Variants in CSMD3 observed in about 807,000 individuals in gnomAD.
CSMD3 encodes CUB and sushi domain-containing protein 3.
A neutral mutation model predicts 435.2 loss-of-function variants in CSMD3; 177 were observed. The observed-to-expected ratio is 0.41, with a 90% CI of 0.36 to 0.46. CSMD3 has a LOEUF of 0.46. Ranked by LOEUF, CSMD3 falls within the 20% of genes least tolerant of loss-of-function variation. The probability of loss-of-function intolerance (pLI) is 0.34; values close to 1 mark genes in which losing one functional copy is unlikely to be tolerated. For synonymous variants in CSMD3, 1,656 were observed against 1,520.5 expected (o/e 1.09, Z -2.07); for missense variants, 4,265 against 4,504.6 (o/e 0.95, Z 1.52).
intron 32 of CSMD3, among the ~76,000 whole-genome samples, chr8:112,460,496 T>C (rs938317848): frequency 7.4e-5 from 11 of 149,624 alleles, no homozygotes; most frequent in African/African-American, 2.7e-4. Context: ...GTGTTTTAAA[T>C]GTTATAGAAT....
intron 4 of CSMD3, among the ~76,000 whole-genome samples, chr8:113,140,305 T>G (rs992267633): frequency 2.3e-4 from 34 of 150,656 alleles, no homozygotes; most frequent in Admixed American, 1.9e-3. Flanking sequence ...AAAACACAAT[T>G]ATCGTTGGGA....
At chr8:112,538,758 G>A (rs1826374316) in intron 27 of CSMD3, 1 of 151,928 alleles carries the variant, frequency 6.6e-6, no homozygotes, top group Non-Finnish European at 1.5e-5. Flanking sequence ...ATTTTTATAA[G>A]GTCCTTACTA....
intron 2 of CSMD3, among the ~76,000 whole-genome samples, chr8:113,287,617 G>A: frequency 6.6e-6 from 1 of 152,030 alleles, no homozygotes; most frequent in South Asian, 2.1e-4. Context: ...CACCATGTTG[G>A]GAACATGTGC....
rs554668928 is a variant in CSMD3, at chr8:113,094,361, T to C, written c.917+4395A>G. On this transcript the variant is annotated intron_variant, in intron 5 of 70. Coordinates refer to ENST00000297405, the MANE Select transcript of CSMD3 (RefSeq NM_198123.2). The stretch of plus-strand genomic sequence containing the variant: ...CTTCTGCCTCACCCTTTAGTTACTG[T>C]AACTTTTTCCTCCTTCCTTTCACAG... 2.0e-5 allele frequency among the ~76,000 whole-genome samples: 3 copies of C among 152,152 alleles called. No homozygotes were observed. The East Asian group carries it at 5.8e-4, about 29-fold the overall frequency.
intron 35 of CSMD3, among the ~76,000 whole-genome samples, chr8:112,396,060 T>C (rs1830833425): frequency 6.6e-6 from 1 of 152,178 alleles, no homozygotes; most frequent in South Asian, 2.1e-4. Flanking sequence ...TATCATGTCT[T>C]ATGGGGCTGC....
chr8:112,642,243 C>G (rs7826686), intron 20 of CSMD3, among the ~76,000 whole-genome samples: 5,027 of 152,030 alleles, frequency 0.033, 245 homozygotes, highest in African/African-American at 0.099. Flanking sequence ...TATTTAAGGA[C>G]AGTCCAACTT....
At chr8:112,319,857 C>G in intron 46 of CSMD3, 44 bp downstream of exon 46, 1 of 1,367,586 alleles carries the variant, frequency 7.3e-7, no homozygotes, top group Non-Finnish European at 1.0e-6. Flanking sequence ...GCAAATAGTT[C>G]TGCCAGCAGT....
At chr8:112,901,921 A>T (rs1168665631) in intron 10 of CSMD3, among the ~76,000 whole-genome samples, 1 of 151,448 alleles carries the variant, frequency 6.6e-6, no homozygotes, top group East Asian at 2.0e-4. Context: ...TTGTAGGAAG[A>T]GCCTTTCAGC....
chr8:113,056,290 A>G (rs181740181), intron 5 of CSMD3, among the ~76,000 whole-genome samples: 1 of 152,278 alleles, frequency 6.6e-6, no homozygotes, highest in East Asian at 1.9e-4. Flanking sequence ...TCCTGCAACT[A>G]CTGAATGCCA....
chr8:113,239,514 CT>C (rs2093188604), intron 3 of CSMD3, among the ~76,000 whole-genome samples: 1 of 150,810 alleles, frequency 6.6e-6, no homozygotes, highest in Non-Finnish European at 1.5e-5. Flanking sequence ...ATCTATCTAT[CT>C]ATCTATCTAT....
chr8:113,165,341 A>C (rs2131850475), intron 4 of CSMD3, among the ~76,000 whole-genome samples: 1 of 152,308 alleles, frequency 6.6e-6, no homozygotes, highest in African/African-American at 2.4e-5. Flanking sequence ...ACATCGTTAA[A>C]CTATTTGTTA....
intron 45 of CSMD3, among the ~76,000 whole-genome samples, chr8:112,325,069 T>G (rs1823362575): frequency 1.3e-5 from 2 of 152,104 alleles, no homozygotes; most frequent in South Asian, 4.1e-4. Flanking sequence ...AAAAAATAGT[T>G]TATCTCCTCT....
chr8:113,076,719 T>C (rs1201061255), intron 5 of CSMD3, among the ~76,000 whole-genome samples: 1 of 151,740 alleles, frequency 6.6e-6, no homozygotes, highest in Non-Finnish European at 1.5e-5. Flanking sequence ...GGTACAAGGG[T>C]AAAATGGATT....
chr8:112,232,807 T>G lies in CSMD3; in HGVS notation c.10741-1175A>C, dbSNP rs1813219002. ...GAATCACAGCTTATTTCAGAACCAC[T>G]TGCCCCTCTGAGAGTTTTGGACTTC... On this transcript the variant is annotated intron_variant, in intron 68 of 70. Transcript: ENST00000297405. Among the ~76,000 whole-genome samples the G allele has an allele frequency of 2.0e-5, 3 of 152,116 alleles. No individual in the cohort carries two copies. In the South Asian group the frequency reaches 6.2e-4, roughly 32 times the overall value.
At chr8:112,268,759 C>A (rs1369275044) in intron 59 of CSMD3, among the ~76,000 whole-genome samples, 2 of 152,156 alleles carry the variant, frequency 1.3e-5, no homozygotes, top group Admixed American at 1.3e-4. Context: ...TAGCTTCAAG[C>A]CCAGAACAGA....
chr8:113,004,716 G>C (rs1313474616), intron 6 of CSMD3, among the ~76,000 whole-genome samples: 1 of 151,820 alleles, frequency 6.6e-6, no homozygotes, highest in African/African-American at 2.4e-5. Context: ...ACTACTTTTA[G>C]CACTTCTTAT....
intron 32 of CSMD3, among the ~76,000 whole-genome samples, chr8:112,410,637 T>C (rs1832293966): frequency 9.8e-6 from 1 of 101,856 alleles, no homozygotes; most frequent in African/African-American, 3.4e-5. Flanking sequence ...TGTATATATA[T>C]GTATATATAT....
At chr8:113,017,881 T>C in intron 6 of CSMD3, among the ~76,000 whole-genome samples, 1 of 152,214 alleles carries the variant, frequency 6.6e-6, no homozygotes, top group Middle Eastern at 3.4e-3. Context: ...TAAATTTTTC[T>C]ATGAAAGTTT....
chr8:112,426,760 T>C (rs1447477744), intron 32 of CSMD3, among the ~76,000 whole-genome samples: 4 of 152,222 alleles, frequency 2.6e-5, no homozygotes, highest in African/African-American at 9.6e-5. Context: ...TTTCCTTCAC[T>C]ACTTTAGATT....
Sources: gnomAD v4.1 joint callset for allele counts (sites outside exome capture counted in the v4.1 genomes callset) on GRCh38, gnomAD v4.1.1 for gene constraint, MANE v1.5 for transcripts, NCBI Gene and HGNC (gene_info 2026-07-23, HGNC 2026-07-21) for gene names.